The following TET2 variants were observed in gnomAD, a reference collection of about 807,000 sequenced individuals.
The protein encoded by TET2 is methylcytosine dioxygenase TET2.
Under a neutral mutation model 142.9 loss-of-function variants are expected in TET2, and 299 were observed. That is an observed-to-expected ratio of 2.09 (90% CI 1.90 to 2.30). The LOEUF (loss-of-function observed/expected upper bound fraction) is 2.30. Ranked by LOEUF, TET2 falls within the 30% of genes most tolerant of loss-of-function variation. The pLI is 0.00. For synonymous variants in TET2, 819 were observed against 849.0 expected (o/e 0.96, Z 0.61); for missense variants, 2,418 against 2,378.0 (o/e 1.02, Z -0.35).
chr4:105,262,943 C>G (rs1298557781), intron 8 of TET2, among the ~76,000 whole-genome samples: 1 of 151,792 alleles, frequency 6.6e-6, no homozygotes, highest in Admixed American at 6.6e-5. Flanking sequence ...ATCCCAGCTA[C>G]CCAGGAGACC....
In TET2 at chr4:105,235,752, C is replaced by T; in HGVS notation, c.1810C>T (p.Gln604Ter). 1 of 1,614,148 alleles carries T rather than the reference C, an allele frequency of 6.2e-7. No individual in the cohort carries two copies. The highest frequency in any genetic ancestry group is 8.5e-7 in the Non-Finnish European group (1 of 1,180,024). ...PNLSNQMTSK[Q>*]YTGNSNMPGG... ...TCTCTCCAATCAAATGACCTCCAAA[C>T]AATACACTGGAAATTCCAACATGCC... The change falls in exon 3 of 11, where the codon CAA (glutamine) becomes TAA (stop). Residue 604 changes from glutamine to a stop codon, truncating the protein, a stop_gained. Transcript: ENST00000380013. LOFTEE classifies it high-confidence loss of function.
Position 105,276,420 on chromosome 4 carries a change from T to C in TET2, c.5910T>C (p.Ser1970=). Residue 1970 remains serine, a synonymous_variant, in exon 11 of 11, where the codon TCT becomes TCC. Coordinates refer to ENST00000380013, the MANE Select transcript of TET2 (RefSeq NM_001127208.3). ...SEPTYLRFIK[S]LAERTMSVTT... ...CCACTTACCTGCGTTTCATCAAGTC[T>C]CTTGCCGAAAGGACCATGTCCGTGA... The C allele has an allele frequency of 6.4e-7, 1 of 1,551,880 alleles. No individual in the cohort carries two copies. Among genetic ancestry groups the C allele is most frequent in the Non-Finnish European group, 8.7e-7 (1 of 1,147,024 alleles).
intron 2 of TET2, among the ~76,000 whole-genome samples, chr4:105,208,373 G>A (rs756789273): frequency 6.6e-6 from 1 of 152,038 alleles, no homozygotes; most frequent in Non-Finnish European, 1.5e-5. Context: ...AACCCAAATG[G>A]CTAGCATTGA....
chr4:105,275,380 C>G lies in TET2; in HGVS notation c.4870C>G (p.Gln1624Glu). 7 of 1,551,626 alleles carry G rather than the reference C, an allele frequency of 4.5e-6. No individual in the cohort carries two copies. The highest frequency in any genetic ancestry group is 6.1e-6 in the Non-Finnish European group (7 of 1,146,978). The change falls in exon 11 of 11, where the codon CAG becomes GAG. Residue 1624 changes from glutamine to glutamate, a missense_variant. Transcript: ENST00000380013. ...GAACCCTTACCCTGGGCTTTTGAAT[C>G]AGAATACCCAATATCCATCATATCA... is the stretch of plus-strand genomic sequence containing the variant. ...PMNPYPGLLN[Q>E]NTQYPSYQCN...
At chr4:105,200,448 A>AAACTT (rs147193985) in intron 2 of TET2, among the ~76,000 whole-genome samples, 10,012 of 152,050 alleles carry the variant, frequency 0.066, 895 homozygotes, top group African/African-American at 0.2. Context: ...GCTGGATACT[A>AAACTT]TTGTCAGATA....
chr4:105,269,737 G>A lies in TET2; in HGVS notation c.4172G>A (p.Gly1391Asp), dbSNP rs2110301118. Reference protein sequence around the residue: ...AHRDLHNMQNGSTLVCTLTRE... With the variant: ...AHRDLHNMQNDSTLVCTLTRE... ...AGAGACTTGCACAACATGCAGAATGGCAGCACATTGGTAAGTTGGGCTGAG... is the reference window on the plus strand; with the variant it reads ...AGAGACTTGCACAACATGCAGAATGACAGCACATTGGTAAGTTGGGCTGAG... The change falls in exon 9 of 11, where the codon GGC (glycine) becomes GAC (aspartate). Residue 1391 changes from glycine (G) to aspartate (D), a missense_variant. Coordinates refer to ENST00000380013, the MANE Select transcript of TET2 (RefSeq NM_001127208.3). The A allele has an allele frequency of 1.3e-6, 2 of 1,551,572 alleles. No homozygotes were observed. Among genetic ancestry groups the A allele is most frequent in the Non-Finnish European group, 8.7e-7 (1 of 1,146,910 alleles).
intron 2 of TET2, among the ~76,000 whole-genome samples, chr4:105,229,680 G>C (rs1293846146): frequency 1.3e-5 from 2 of 151,142 alleles, no homozygotes; most frequent in Non-Finnish European, 2.9e-5. Flanking sequence ...ATAGTTAAAA[G>C]TAATCCCCCT....
chr4:105,150,216 T>C (rs745966897), intron 1 of TET2, among the ~76,000 whole-genome samples: 10 of 152,202 alleles, frequency 6.6e-5, no homozygotes, highest in Non-Finnish European at 1.3e-4. Context: ...TAAAATATCT[T>C]CAAAAGTTAC....
chr4:105,191,491 G>T (rs1725784975), intron 2 of TET2, among the ~76,000 whole-genome samples: 1 of 151,890 alleles, frequency 6.6e-6, no homozygotes, highest in Non-Finnish European at 1.5e-5. Context: ...GGATTAGATA[G>T]AAAAAAGGAA....
At chr4:105,209,067 A>G (rs1222414034) in intron 2 of TET2, among the ~76,000 whole-genome samples, 23 of 84,686 alleles carry the variant, frequency 2.7e-4, no homozygotes, top group African/African-American at 1.4e-3. Context: ...ATATATATAT[A>G]TATATATATA....
At position 105,182,955 on chromosome 4, in the gene TET2, TA is replaced by T. The variant is rs1725206901; in HGVS notation, c.-192-7400del. Among the ~76,000 whole-genome samples the T allele has an allele frequency of 5.9e-5, 9 of 152,324 alleles. No homozygotes were observed. In the South Asian group the frequency reaches 1.9e-3, roughly 32 times the overall value. On this transcript the variant is annotated intron_variant, in intron 1 of 10. Transcript: ENST00000380013. ...TAAATAATTTATGACATAAGTGATT[TA>T]AAAATTCATTCTTTCCATCCATTTT...
Position 105,276,838 on chromosome 4 carries a change from T to TCCCCCCCCCCCC in TET2, c.*330_*331insCCCCCCCCCCCC, listed in dbSNP as rs59576487. On this transcript the variant is annotated 3_prime_UTR_variant, in exon 11 of 11. Coordinates refer to ENST00000380013, the MANE Select transcript of TET2 (RefSeq NM_001127208.3). ...TGGACGAGATGATATGTAAATGTGA[T>TCCCCCCCCCCCC]CCCCCCCCCCCGCTTACAACTCTAC... is the stretch of plus-strand genomic sequence containing the variant. 1 of 144,462 alleles carries TCCCCCCCCCCCC rather than the reference T, an allele frequency of 6.9e-6. No individual in the cohort carries two copies. 8.9% of individuals were successfully genotyped at this position (144,462 alleles called of 1,614,324 possible).
In TET2 at chr4:105,252,628, A is replaced by C. The variant is rs184971545; in HGVS notation, c.3804-6991A>C. Among the ~76,000 whole-genome samples, 53 of 152,304 alleles carry C rather than the reference A, an allele frequency of 3.5e-4. No homozygotes were observed. In the East Asian group the frequency reaches 6.9e-3, roughly 20 times the overall value. On this transcript the variant is annotated intron_variant, in intron 6 of 10. Coordinates refer to ENST00000380013, the MANE Select transcript of TET2 (RefSeq NM_001127208.3). ...TTCACTTGACAGTGCCATTTGCAGA[A>C]CAAACAGAAAGTTTTAATTTTAATG...
chr4:105,251,871 A>G (rs1168609513), intron 6 of TET2, among the ~76,000 whole-genome samples: 1 of 152,178 alleles, frequency 6.6e-6, no homozygotes, highest in Non-Finnish European at 1.5e-5. Context: ...AAACATTTTT[A>G]AAATAGATTA....
At chr4:105,165,600 A>G (rs2110395438) in intron 1 of TET2, among the ~76,000 whole-genome samples, 1 of 152,346 alleles carries the variant, frequency 6.6e-6, no homozygotes, top group East Asian at 1.9e-4. Flanking sequence ...TATCATGTAT[A>G]TCTATTGAAT....
chr4:105,274,286 AAC>A (rs1380478306), intron 10 of TET2, among the ~76,000 whole-genome samples: 2 of 152,222 alleles, frequency 1.3e-5, no homozygotes, highest in Non-Finnish European at 2.9e-5. Context: ...GTGAGGTCAA[AAC>A]AGAAGTATGA....
chr4:105,146,053 A>T (rs543598786), upstream of TET2: 4 of 152,566 alleles, frequency 2.6e-5, no homozygotes, highest in South Asian at 8.3e-4. Flanking sequence ...GGGCAACGGG[A>T]TCTAAAGGGA....
chr4:105,224,065 A>G (rs1728023614), intron 2 of TET2, among the ~76,000 whole-genome samples: 1 of 152,134 alleles, frequency 6.6e-6, no homozygotes, highest in African/African-American at 2.4e-5. Context: ...ACAAATCTAT[A>G]AATTGACTCT....
chr4:105,234,078 C>T lies in TET2; in HGVS notation c.136C>T (p.Pro46Ser). Residue 46 changes from proline to serine, a missense_variant, in exon 3 of 11, where the codon CCA becomes TCA. By Grantham distance (74) the Pro-to-Ser change is moderately conservative. Transcript: ENST00000380013. ...AAGCCCACTGCCTGAGAGAGCTCAT[C>T]CAGAAGTAAATGGAGACACCAAGTG... Reference protein sequence around the residue: ...NGSPLPERAHPEVNGDTKWHS... With the variant: ...NGSPLPERAHSEVNGDTKWHS... 6.2e-7 allele frequency: 1 copy of T among 1,614,016 alleles called. No individual in the cohort carries two copies. The highest frequency in any genetic ancestry group is 8.5e-7 in the Non-Finnish European group (1 of 1,179,986).
Sources: allele counts gnomAD v4.1 joint callset (sites outside exome capture counted in the v4.1 genomes callset), GRCh38; gene constraint gnomAD v4.1.1; transcripts MANE v1.5; gene names NCBI Gene and HGNC (gene_info 2026-07-23, HGNC 2026-07-21).